Variants in POLR3C observed in about 807,000 individuals in gnomAD.
POLR3C encodes the protein DNA-directed RNA polymerase III subunit RPC3.
A neutral mutation model predicts 65.9 loss-of-function variants in POLR3C; 44 were observed. The ratio of observed to expected loss-of-function variants is 0.67; its 90% CI spans 0.52 to 0.86. The LOEUF is 0.86. Ranked by LOEUF, POLR3C falls within the 40% of genes least tolerant of loss-of-function variation. The probability of loss-of-function intolerance (pLI) is 0.00; values close to 1 mark genes in which losing one functional copy is unlikely to be tolerated. For synonymous variants in POLR3C, 263 were observed against 231.6 expected (o/e 1.14, Z -1.23); for missense variants, 576 against 653.2 (o/e 0.88, Z 1.29).
chr1:145,828,712 G>A, intron 4 of POLR3C, 37 bp from the exon 5 acceptor site: 1 of 1,324,602 alleles, frequency 7.5e-7, no homozygotes, highest in Non-Finnish European at 1.1e-6. Context: ...GTCATCATAT[G>A]AGATATAGTC....
rs782342180 is a variant in POLR3C, at chr1:145,836,800, T to C, written c.958-15T>C. On this transcript the variant is annotated splice_polypyrimidine_tract_variant and intron_variant, in intron 8 of 14. Coordinates refer to ENST00000334163, the MANE Select transcript of POLR3C (RefSeq NM_006468.8). Reference sequence around the variant, plus strand: ...GACTTTCCGTTCAGTTAACACTCTCTCTTTTTCTTAATAGCTAGAGTTTGT... The same window carrying C: ...GACTTTCCGTTCAGTTAACACTCTCCCTTTTTCTTAATAGCTAGAGTTTGT... 5.2e-6 allele frequency: 8 copies of C among 1,549,852 alleles called. No individual in the cohort carries two copies. Among genetic ancestry groups the C allele is most frequent in the Non-Finnish European group, 7.1e-6 (8 of 1,123,536 alleles).
chr1:145,840,549 AATT>A lies in POLR3C; in HGVS notation c.1374-372_1374-370del, dbSNP rs1652213303. The stretch of plus-strand genomic sequence containing the variant: ...AGTGAGACTCCATCTCAAAAAAAAA[AATT>A]TTTTTTTTGAGAAGTAGGAACCAGT... On this transcript the variant is annotated intron_variant, in intron 13 of 14. Transcript: ENST00000334163. 1.6e-5 allele frequency: 4 copies of A among 257,762 alleles called. No homozygotes were observed. In the East Asian group the frequency reaches 3.7e-4, roughly 24 times the overall value. 16.0% of individuals were successfully genotyped at this position (257,762 alleles called of 1,614,324 possible). A position where few individuals can be genotyped will look rare whatever the true frequency, so the allele number is the denominator to read the frequency against.
chr1:145,841,270 C>G (rs1652268907), intron 14 of POLR3C, among the ~76,000 whole-genome samples, 199 bp downstream of exon 14: 1 of 152,204 alleles, frequency 6.6e-6, no homozygotes, highest in Non-Finnish European at 1.5e-5. Flanking sequence ...TCACCATATA[C>G]ACTCTCTTGT....
chr1:145,838,498 A>G (rs1178243082), intron 11 of POLR3C, among the ~76,000 whole-genome samples: 1 of 151,786 alleles, frequency 6.6e-6, no homozygotes, highest in Non-Finnish European at 1.5e-5. Flanking sequence ...CCTGGCCAAC[A>G]TGGTGAAACT....
intron 14 of POLR3C, 65 bp downstream of exon 14, chr1:145,841,136 T>G: frequency 1.4e-6 from 2 of 1,400,616 alleles, no homozygotes; most frequent in Middle Eastern, 3.6e-4. Context: ...TTTGACCTCC[T>G]GTAACCCTCC....
At chr1:145,839,059 T>G (rs1652084270) in intron 11 of POLR3C, among the ~76,000 whole-genome samples, 2 of 151,998 alleles carry the variant, frequency 1.3e-5, no homozygotes, top group Admixed American at 6.6e-5. Flanking sequence ...TCACTTGAGG[T>G]CAGGAATTCG....
chr1:145,828,653 A>G (rs1335494317), intron 4 of POLR3C, 96 bp from the exon 5 acceptor site: 10 of 847,202 alleles, frequency 1.2e-5, no homozygotes, highest in Admixed American at 1.1e-4. Flanking sequence ...AGGCAGCTAC[A>G]GATGTCTTTG....
chr1:145,826,537 C>T lies in POLR3C; in HGVS notation c.231C>T (p.Ala77=). The change falls in exon 3 of 15, where the codon GCC becomes GCT. Residue 77 remains alanine, a synonymous_variant. Coordinates refer to ENST00000334163, the MANE Select transcript of POLR3C (RefSeq NM_006468.8). ...AACGTGGTGTGGTGGAGTATGAAGCCCAGTGCAGCCGGGTATTGCGAATGC... is the reference window on the plus strand; with the variant it reads ...AACGTGGTGTGGTGGAGTATGAAGCTCAGTGCAGCCGGGTATTGCGAATGC... The part of the protein sequence containing the change: ...VHKRGVVEYE[A]QCSRVLRMLR... 6.2e-7 allele frequency: 1 copy of T among 1,613,834 alleles called. No homozygotes were observed. Among genetic ancestry groups the T allele is most frequent in the Admixed American group, 1.7e-5 (1 of 60,000 alleles).
intron 13 of POLR3C, 91 bp downstream of exon 13, chr1:145,840,256 T>G: frequency 2.4e-6 from 2 of 838,582 alleles, no homozygotes; most frequent in Non-Finnish European, 4.0e-6. Context: ...CAATAGACGC[T>G]GGGCCTGGCA....
At position 145,829,010 on chromosome 1, in the gene POLR3C, C is replaced by G. The variant is rs587762758; in HGVS notation, c.678+173C>G. Among the ~76,000 whole-genome samples the G allele has an allele frequency of 5.3e-5, 8 of 152,272 alleles. No homozygotes were observed. In the South Asian group the frequency reaches 1.7e-3, roughly 32 times the overall value. On this transcript the variant is annotated intron_variant, in intron 5 of 14. Coordinates refer to ENST00000334163, the MANE Select transcript of POLR3C (RefSeq NM_006468.8). ...AGAATGAACCATTACTGTCTCCCTT[C>G]TGAGCCTTAACTTAATTCTTTCATT...
chr1:145,829,196 A>G (rs782153175), intron 5 of POLR3C, among the ~76,000 whole-genome samples: 29 of 152,178 alleles, frequency 1.9e-4, no homozygotes, highest in Non-Finnish European at 3.5e-4. Flanking sequence ...GCGTACCTAT[A>G]AAGATGTCAG....
At chr1:145,839,391 A>G (rs980705797) in intron 11 of POLR3C, 1 of 152,796 alleles carries the variant, frequency 6.5e-6, no homozygotes, top group Non-Finnish European at 1.5e-5. Context: ...TGACAGTCAA[A>G]TGGAAAAAAC....
chr1:145,837,698 CT>C, intron 10 of POLR3C, 102 bp downstream of exon 10: 6 of 814,066 alleles, frequency 7.4e-6, no homozygotes, highest in East Asian at 2.4e-5. Context: ...CCTTGGCATA[CT>C]TTTCCCCATT....
In POLR3C at chr1:145,826,876, A is replaced by C. The variant is rs781938087; in HGVS notation, c.460A>C (p.Thr154Pro). The part of the protein sequence containing the change: ...VSNTFVRLAD[T>P]HFVQRCPSVP... ...AAACACATTTGTGCGACTGGCAGAC[A>C]CACACTTTGTACAACGCTGCCCTTC... The change falls in exon 4 of 15, where the codon ACA (threonine) becomes CCA (proline). Residue 154 changes from threonine to proline, a missense_variant. Thr to Pro is a conservative substitution (Grantham distance 38). Transcript: ENST00000334163. 1 of 1,612,950 alleles carries C rather than the reference A, an allele frequency of 6.2e-7. No homozygotes were observed. The highest frequency in any genetic ancestry group is 8.5e-7 in the Non-Finnish European group (1 of 1,179,574).
chr1:145,836,878 AGTT>A lies in POLR3C; in HGVS notation c.1009+13_1009+15del. ...AATGTATGTCATCAGTATCCTTACCAGTTATTTCCTTAGAGTCAGGCAGCCTGA... is the reference window on the plus strand; with the variant it reads ...AATGTATGTCATCAGTATCCTTACCAATTTCCTTAGAGTCAGGCAGCCTGA... On this transcript the variant is annotated intron_variant, in intron 9 of 14. Transcript: ENST00000334163. The A allele has an allele frequency of 4.0e-6, 6 of 1,511,092 alleles. No individual in the cohort carries two copies. Among genetic ancestry groups the A allele is most frequent in the Non-Finnish European group, 5.5e-6 (6 of 1,093,172 alleles). 93.6% of individuals were successfully genotyped at this position (1,511,092 alleles called of 1,614,324 possible).
chr1:145,827,030 T>G, intron 4 of POLR3C, 25 bp downstream of exon 4: 1 of 1,531,082 alleles, frequency 6.5e-7, no homozygotes. Flanking sequence ...CCCCTGGAAC[T>G]GTGACTTGCC....
chr1:145,841,093 C>G (rs1652255159), intron 14 of POLR3C, 22 bp downstream of exon 14: 2 of 1,606,380 alleles, frequency 1.2e-6, no homozygotes, highest in Non-Finnish European at 1.7e-6. Context: ...AAACTTCAGA[C>G]CTGCATTTCA....
intron 7 of POLR3C, among the ~76,000 whole-genome samples, chr1:145,833,917 T>C (rs1651560055): frequency 6.6e-6 from 1 of 152,226 alleles, no homozygotes; most frequent in Non-Finnish European, 1.5e-5. Context: ...ATATTTAATA[T>C]ATCCAATATG....
Position 145,843,989 on chromosome 1 carries a change from C to A in POLR3C, c.*1569C>A, listed in dbSNP as rs1283398487. Among the ~76,000 whole-genome samples the A allele has an allele frequency of 6.6e-6, 1 of 152,130 alleles. No individual in the cohort carries two copies. The highest frequency in any genetic ancestry group is 1.9e-4 in the East Asian group (1 of 5,198). On this transcript the variant is annotated 3_prime_UTR_variant, in exon 15 of 15. Transcript: ENST00000334163. ...AATGAGATAACATCTCACCCCAATT[C>A]ATTACTTTTATCAAGAAGAAAGAAT...
Sources: gnomAD v4.1 joint callset for allele counts (sites outside exome capture counted in the v4.1 genomes callset) on GRCh38, gnomAD v4.1.1 for gene constraint, MANE v1.5 for transcripts, NCBI Gene and HGNC (gene_info 2026-07-23, HGNC 2026-07-21) for gene names.